SBF2: variants seen among roughly 807,000 people sequenced by gnomAD.
SBF2 encodes the protein SET binding factor 2.
A neutral mutation model predicts 225.2 loss-of-function variants in SBF2; 112 were observed. That is an observed-to-expected ratio of 0.50 (90% CI 0.43 to 0.58). The LOEUF is 0.58. SBF2 is among the 20% of genes least tolerant of loss of function. The pLI is 0.00. For missense variants in SBF2, 1,996 were observed against 2,206.2 expected (o/e 0.90, Z 1.91); for synonymous variants, 763 against 773.3 (o/e 0.99, Z 0.22).
At chr11:9,995,649 C>CTT (rs375157492) in intron 9 of SBF2, among the ~76,000 whole-genome samples, 2 of 141,614 alleles carry the variant, frequency 1.4e-5, no homozygotes, top group African/African-American at 5.2e-5. Context: ...TTTTTCTTTT[C>CTT]TTTTTTTTTT....
rs920208066 is a variant in SBF2, at chr11:10,170,166, G to A, written c.141+23736C>T. On this transcript the variant is annotated intron_variant, in intron 2 of 39. Coordinates refer to ENST00000256190, the MANE Select transcript of SBF2 (RefSeq NM_030962.4). ...ATCCTATTTGTCCATTTCTGCTTTG[G>A]TTGTCTGTGCTTATGGGGTATTACT... 2.0e-5 allele frequency among the ~76,000 whole-genome samples: 3 copies of A among 151,962 alleles called. No individual in the cohort carries two copies. In the South Asian group the frequency reaches 6.2e-4, roughly 32 times the overall value.
intron 2 of SBF2, among the ~76,000 whole-genome samples, chr11:10,174,286 C>G (rs955871784): frequency 2.0e-5 from 3 of 152,106 alleles, no homozygotes; most frequent in Admixed American, 6.5e-5. Flanking sequence ...GAATGTATAA[C>G]TAGAATAACC....
intron 3 of SBF2, among the ~76,000 whole-genome samples, chr11:10,034,445 C>T (rs1183379593): frequency 6.6e-6 from 1 of 152,216 alleles, no homozygotes; most frequent in South Asian, 2.1e-4. Flanking sequence ...CAGATCAGCA[C>T]AAGCTTTAAG....
rs781662379 is a variant in SBF2, at chr11:9,992,563, G to A, written c.1168-20C>T. The stretch of plus-strand genomic sequence containing the variant: ...TGCTGTCTGTGAAAAAAGAAAATGT[G>A]AAATAATAATTTATCACTTGGTAAC... On this transcript the variant is annotated intron_variant, in intron 11 of 39. Transcript: ENST00000256190. 3 of 1,605,498 alleles carry A rather than the reference G, an allele frequency of 1.9e-6. No homozygotes were observed. The highest frequency in any genetic ancestry group is 2.6e-6 in the Non-Finnish European group (3 of 1,175,818).
At chr11:10,140,083 C>T (rs375608005) in intron 2 of SBF2, among the ~76,000 whole-genome samples, 5 of 152,176 alleles carry the variant, frequency 3.3e-5, no homozygotes, top group South Asian at 2.1e-4. Flanking sequence ...CACCAGTTCC[C>T]GGCACAGTGC....
rs1565082819 is a variant in SBF2, at chr11:9,974,981, AAAAAAAAG to A, written c.1396-6444_1396-6437del. Among the ~76,000 whole-genome samples, 16 of 75,034 alleles carry A rather than the reference AAAAAAAAG, an allele frequency of 2.1e-4. 1 individual carries two copies. The highest frequency in any genetic ancestry group is 4.9e-4 in the South Asian group (1 of 2,034). The allele number at this position is 75,034 out of a possible 152,430, so 49.2% of individuals were successfully genotyped here. ...GACTCAAAAAAAAAAAAAAAAAAAA[AAAAAAAAG>A]AAAAAAAGAAACCAACTGACAATAC... On this transcript the variant is annotated intron_variant, in intron 13 of 39. Transcript: ENST00000256190.
At chr11:9,868,407 A>G (rs989403473) in intron 17 of SBF2, among the ~76,000 whole-genome samples, 2 of 149,386 alleles carry the variant, frequency 1.3e-5, no homozygotes, top group Admixed American at 1.4e-4. Context: ...AGTCCCAGCT[A>G]CTCGGGAGGC....
At chr11:10,160,854 C>G (rs1457684237) in intron 2 of SBF2, among the ~76,000 whole-genome samples, 1 of 152,128 alleles carries the variant, frequency 6.6e-6, no homozygotes, top group African/African-American at 2.4e-5. Context: ...TCCTATTCAT[C>G]CTTCAAAACT....
chr11:9,830,756 A>T (rs201642223), intron 27 of SBF2, among the ~76,000 whole-genome samples: 1 of 151,286 alleles, frequency 6.6e-6, no homozygotes, highest in Non-Finnish European at 1.5e-5. Context: ...AAAAAAAAAA[A>T]AACAAAAACA....
At position 9,981,682 on chromosome 11, in the gene SBF2, T is replaced by C. The variant is rs1402166619; in HGVS notation, c.1395+7815A>G. On this transcript the variant is annotated intron_variant, in intron 13 of 39. Transcript: ENST00000256190. ...CAATATTATATTTAAATCAATGATA[T>C]GGCTTTAAATTTAGATCGGTTGAGT... is the stretch of plus-strand genomic sequence containing the variant. Among the ~76,000 whole-genome samples the C allele has an allele frequency of 4.1e-5, 6 of 147,550 alleles. No homozygotes were observed. The East Asian group carries it at 5.9e-4, about 15-fold the overall frequency.
At chr11:9,932,957 C>CAAAAAAAAAAAAAAA (rs574177096) in intron 16 of SBF2, among the ~76,000 whole-genome samples, 11 of 58,774 alleles carry the variant, frequency 1.9e-4, no homozygotes, top group East Asian at 2.4e-3. Context: ...AAACGAAAAG[C>CAAAAAAAAAAAAAAA]AAAAAAAAAA....
Position 9,936,007 on chromosome 11 carries a change from G to C in SBF2, c.1860+25950C>G, listed in dbSNP as rs565588865. On this transcript the variant is annotated intron_variant, in intron 16 of 39. Coordinates refer to ENST00000256190, the MANE Select transcript of SBF2 (RefSeq NM_030962.4). ...TGCACAGCAAAAGAAACTACCATCA[G>C]AGTGAATAGGCAATCTACAGAATGG... Among the ~76,000 whole-genome samples the C allele has an allele frequency of 9.9e-5, 15 of 152,192 alleles. No homozygotes were observed. In the South Asian group the frequency reaches 3.1e-3, roughly 32 times the overall value.
At chr11:10,102,365 T>C (rs1590959531) in intron 2 of SBF2, among the ~76,000 whole-genome samples, 1 of 152,310 alleles carries the variant, frequency 6.6e-6, no homozygotes, top group South Asian at 2.1e-4. Context: ...ATTTATCAGC[T>C]TTTTCATCAA....
chr11:9,969,542 G>C (rs1016731222), intron 13 of SBF2, among the ~76,000 whole-genome samples: 3 of 152,112 alleles, frequency 2.0e-5, no homozygotes, highest in Non-Finnish European at 4.4e-5. Context: ...TAGACACACA[G>C]AACTTCTTGT....
intron 3 of SBF2, among the ~76,000 whole-genome samples, chr11:10,041,534 T>C (rs908863002): frequency 2.6e-5 from 4 of 152,210 alleles, no homozygotes; most frequent in Non-Finnish European, 5.9e-5. Context: ...GTGCTGATAA[T>C]GCATGTTTTG....
At chr11:9,967,947 G>GTCTGTCTGTCTCTCTCTC (rs57976016) in intron 14 of SBF2, among the ~76,000 whole-genome samples, 4 of 100,252 alleles carry the variant, frequency 4.0e-5, no homozygotes, top group African/African-American at 1.5e-4. Flanking sequence ...CTGTCTGTCT[G>GTCTGTCTGTCTCTCTCTC]TCTCTCTCTC....
At chr11:10,129,396 C>G (rs1200073947) in intron 2 of SBF2, among the ~76,000 whole-genome samples, 1 of 152,156 alleles carries the variant, frequency 6.6e-6, no homozygotes, top group Admixed American at 6.5e-5. Flanking sequence ...AGCCACCGCG[C>G]CCGGCCAATT....
rs570516042 is a variant in SBF2, at chr11:9,959,824, TA to T, written c.1860+2132del. 3.6e-5 allele frequency: 21 copies of T among 578,528 alleles called. No individual in the cohort carries two copies. In the East Asian group the frequency reaches 4.9e-4, roughly 14 times the overall value. The allele number at this position is 578,528 out of a possible 1,614,324, so 35.8% of individuals were successfully genotyped here. On this transcript the variant is annotated intron_variant, in intron 16 of 39. Coordinates refer to ENST00000256190, the MANE Select transcript of SBF2 (RefSeq NM_030962.4). ...TCTGGGCACTGAGCAGGCGGGTAGG[TA>T]AAGGTAGGCTGCGAGAGTGAGGAGA...
chr11:9,873,441 G>A (rs1414939117), intron 17 of SBF2, among the ~76,000 whole-genome samples: 1 of 152,140 alleles, frequency 6.6e-6, no homozygotes, highest in African/African-American at 2.4e-5. Context: ...GCACATGAAA[G>A]TAAGAAGATC....
Sources: gnomAD v4.1 joint callset for allele counts (sites outside exome capture counted in the v4.1 genomes callset) on GRCh38, gnomAD v4.1.1 for gene constraint, MANE v1.5 for transcripts, NCBI Gene and HGNC (gene_info 2026-07-23, HGNC 2026-07-21) for gene names.